Variants in CNTNAP5 observed in about 807,000 individuals in gnomAD.
CNTNAP5 encodes the protein contactin-associated protein-like 5.
Under a neutral mutation model 150.2 loss-of-function variants are expected in CNTNAP5, and 72 were observed. The observed-to-expected ratio is 0.48, with a 90% CI of 0.40 to 0.58. The LOEUF (loss-of-function observed/expected upper bound fraction) is 0.58. Among genes scored for constraint, CNTNAP5 ranks in the 20% least tolerant of loss-of-function variants. The pLI, the probability that CNTNAP5 is intolerant of heterozygous loss-of-function variation, is 0.00. For missense variants in CNTNAP5, 1,636 were observed against 1,626.2 expected (o/e 1.01, Z -0.10); for synonymous variants, 672 against 619.8 (o/e 1.08, Z -1.25).
intron 19 of CNTNAP5, among the ~76,000 whole-genome samples, chr2:124,813,996 A>G (rs1284458267): frequency 6.6e-6 from 1 of 151,960 alleles, no homozygotes; most frequent in Admixed American, 6.6e-5. Flanking sequence ...GACCAGGGTG[A>G]TCTTTTAAAA....
At chr2:124,552,245 A>G (rs1695644293) in intron 10 of CNTNAP5, among the ~76,000 whole-genome samples, 1 of 152,112 alleles carries the variant, frequency 6.6e-6, no homozygotes, top group Non-Finnish European at 1.5e-5. Context: ...TTGGGTTTAA[A>G]TGTTCACTCT....
intron 3 of CNTNAP5, among the ~76,000 whole-genome samples, chr2:124,256,575 A>AAAATAATC (rs1687321677): frequency 6.6e-6 from 1 of 152,176 alleles, no homozygotes. Context: ...CTGGCTCGTG[A>AAAATAATC]AAATAATCAA....
intron 1 of CNTNAP5, among the ~76,000 whole-genome samples, chr2:124,053,935 C>T (rs1681776551): frequency 6.6e-6 from 1 of 152,192 alleles, no homozygotes; most frequent in Non-Finnish European, 1.5e-5. Context: ...ATTCTAGTTT[C>T]TCCAAGTTGT....
At chr2:124,720,644 G>A (rs1680030342) in intron 13 of CNTNAP5, among the ~76,000 whole-genome samples, 1 of 152,152 alleles carries the variant, frequency 6.6e-6, no homozygotes, top group African/African-American at 2.4e-5. Context: ...GGTAGAGCCA[G>A]GAATTTCATT....
At chr2:124,769,529 G>A (rs990017121) in intron 16 of CNTNAP5, among the ~76,000 whole-genome samples, 3 of 152,154 alleles carry the variant, frequency 2.0e-5, no homozygotes, top group African/African-American at 7.2e-5. Context: ...GCTGTCATTG[G>A]TCTTCTCCCT....
intron 13 of CNTNAP5, among the ~76,000 whole-genome samples, chr2:124,689,073 A>G (rs1679250126): frequency 6.6e-6 from 1 of 152,102 alleles, no homozygotes; most frequent in Non-Finnish European, 1.5e-5. Flanking sequence ...CTCCTGCTTC[A>G]GAGAACTGTC....
intron 19 of CNTNAP5, among the ~76,000 whole-genome samples, chr2:124,857,690 G>T (rs1173822294): frequency 6.6e-6 from 1 of 151,706 alleles, no homozygotes; most frequent in African/African-American, 2.4e-5. Context: ...AAAATGAATA[G>T]TTAGCTGGGC....
intron 13 of CNTNAP5, among the ~76,000 whole-genome samples, chr2:124,707,704 C>T (rs1679720459): frequency 6.6e-6 from 1 of 152,244 alleles, no homozygotes; most frequent in East Asian, 1.9e-4. Context: ...ATCTAACAAA[C>T]CTAACACCTC....
intron 3 of CNTNAP5, among the ~76,000 whole-genome samples, chr2:124,364,041 C>T (rs1338742647): frequency 6.6e-5 from 10 of 152,122 alleles, no homozygotes; most frequent in Non-Finnish European, 1.5e-4. Flanking sequence ...CAGATGATGG[C>T]TCTCCTCTAC....
chr2:124,304,774 T>C (rs1688641956), intron 3 of CNTNAP5, among the ~76,000 whole-genome samples: 1 of 152,072 alleles, frequency 6.6e-6, no homozygotes, highest in Non-Finnish European at 1.5e-5. Flanking sequence ...TTTTCAAAAG[T>C]ATTCTCAGGA....
intron 17 of CNTNAP5, among the ~76,000 whole-genome samples, chr2:124,786,402 G>GAAGGAAA (rs1558775115): frequency 3.7e-4 from 20 of 54,266 alleles, no homozygotes; most frequent in African/African-American, 1.7e-3. Context: ...AAAGAAAGAA[G>GAAGGAAA]GAAGGAAGGA....
At chr2:124,704,648 G>GA (rs973601681) in intron 13 of CNTNAP5, among the ~76,000 whole-genome samples, 1 of 152,062 alleles carries the variant, frequency 6.6e-6, no homozygotes, top group African/African-American at 2.4e-5. Flanking sequence ...TGTATAAAAA[G>GA]AAAAAATAAT....
intron 8 of CNTNAP5, among the ~76,000 whole-genome samples, chr2:124,508,054 C>T (rs1342486219): frequency 2.6e-5 from 4 of 151,672 alleles, no homozygotes; most frequent in Non-Finnish European, 1.5e-5. Context: ...ACAGATTATC[C>T]AGGATCATCT....
At chr2:124,723,454 T>A (rs1269029408) in intron 13 of CNTNAP5, among the ~76,000 whole-genome samples, 2 of 152,176 alleles carry the variant, frequency 1.3e-5, no homozygotes, top group Non-Finnish European at 1.5e-5. Context: ...TAACATGTAT[T>A]TCAAAACTTG....
At chr2:124,600,197 T>TC (rs1375074842) in intron 11 of CNTNAP5, among the ~76,000 whole-genome samples, 1 of 151,774 alleles carries the variant, frequency 6.6e-6, no homozygotes, top group Non-Finnish European at 1.5e-5. Flanking sequence ...TGGTTTTTTT[T>TC]TTATTTTTAT....
At chr2:124,392,176 A>G (rs1014235098) in intron 3 of CNTNAP5, among the ~76,000 whole-genome samples, 4 of 152,198 alleles carry the variant, frequency 2.6e-5, no homozygotes, top group Admixed American at 2.6e-4. Context: ...TAAAGGACCA[A>G]TTAGCATTTA....
At chr2:124,418,710 C>T (rs1030023919) in intron 4 of CNTNAP5, among the ~76,000 whole-genome samples, 1 of 152,220 alleles carries the variant, frequency 6.6e-6, no homozygotes, top group Non-Finnish European at 1.5e-5. Flanking sequence ...CTGCCTTCCA[C>T]TCCAAACTTT....
chr2:124,330,629 G>C (rs1453096990), intron 3 of CNTNAP5, among the ~76,000 whole-genome samples: 1 of 152,086 alleles, frequency 6.6e-6, no homozygotes, highest in Non-Finnish European at 1.5e-5. Flanking sequence ...ATGATTGTAA[G>C]TTTCCTGAGG....
intron 19 of CNTNAP5, among the ~76,000 whole-genome samples, chr2:124,821,310 T>C (rs537710369): frequency 2.5e-3 from 387 of 152,240 alleles, no homozygotes; most frequent in South Asian, 4.8e-3. Flanking sequence ...GGCCTTTCTA[T>C]CCACTTTCTT....
Sources: allele counts gnomAD v4.1 joint callset (sites outside exome capture counted in the v4.1 genomes callset), GRCh38; gene constraint gnomAD v4.1.1; transcripts MANE v1.5; gene names NCBI Gene and HGNC (gene_info 2026-07-23, HGNC 2026-07-21).